Variants in SGK2 observed in about 807,000 individuals in gnomAD.
SGK2 encodes serum/glucocorticoid regulated kinase 2, also known as serine/threonine-protein kinase Sgk2.
SGK2 carries 36 observed loss-of-function variants against 47.5 expected under a neutral mutation model. The observed-to-expected ratio is 0.76, with a 90% confidence interval of 0.58 to 1.00. SGK2 has a LOEUF of 1.00. Ranked by LOEUF, SGK2 falls within the 50% of genes least tolerant of loss-of-function variation. The probability of loss-of-function intolerance (pLI) is 0.00; values close to 1 mark genes in which losing one functional copy is unlikely to be tolerated. For missense variants in SGK2, 404 were observed against 467.4 expected (o/e 0.86, Z 1.25); for synonymous variants, 157 against 181.9 (o/e 0.86, Z 1.10).
intron 11 of SGK2, among the ~76,000 whole-genome samples, chr20:43,577,160 G>A (rs1013092559): frequency 3.9e-5 from 6 of 152,138 alleles, no homozygotes; most frequent in Admixed American, 3.9e-4. Context: ...GAAAGAGGCA[G>A]CCATGAAGAC....
chr20:43,571,649 A>G (rs1356941249), intron 8 of SGK2, among the ~76,000 whole-genome samples: 1 of 152,136 alleles, frequency 6.6e-6, no homozygotes, highest in African/African-American at 2.4e-5. Flanking sequence ...GGATGGGGAT[A>G]GGCATGGTTC....
intron 12 of SGK2, among the ~76,000 whole-genome samples, chr20:43,580,781 A>G (rs1258416542): frequency 6.6e-6 from 1 of 151,062 alleles, no homozygotes; most frequent in Non-Finnish European, 1.5e-5. Flanking sequence ...AGTTTAAAGT[A>G]GCAGTGGCGA....
intron 1 of SGK2, among the ~76,000 whole-genome samples, chr20:43,563,072 G>A (rs988478678): frequency 6.7e-6 from 1 of 149,350 alleles, no homozygotes; most frequent in African/African-American, 2.5e-5. Context: ...GGAGGCAGAG[G>A]TTGCAATGAG....
intron 6 of SGK2, 97 bp downstream of exon 6, chr20:43,569,613 A>C: frequency 4.9e-5 from 70 of 1,417,918 alleles, no homozygotes; most frequent in Non-Finnish European, 6.2e-5. Flanking sequence ...GAATGATCTC[A>C]CTTCATCTTA....
intron 2 of SGK2, among the ~76,000 whole-genome samples, chr20:43,566,843 G>T (rs1482211601): frequency 7.0e-6 from 1 of 143,782 alleles, no homozygotes; most frequent in Non-Finnish European, 1.5e-5. Flanking sequence ...TGCCTCCCAA[G>T]GCTGTTTTGA....
intron 12 of SGK2, among the ~76,000 whole-genome samples, chr20:43,584,457 T>G (rs1278392811): frequency 6.6e-6 from 1 of 152,152 alleles, no homozygotes; most frequent in Non-Finnish European, 1.5e-5. Flanking sequence ...CTATTTTCTC[T>G]TCTTCATAGG....
At chr20:43,573,343 G>A (rs1980262231) in intron 9 of SGK2, among the ~76,000 whole-genome samples, 1 of 152,246 alleles carries the variant, frequency 6.6e-6, no homozygotes, top group East Asian at 1.9e-4. Context: ...ACAAAAATTA[G>A]CCAGGTGTGC....
intron 11 of SGK2, among the ~76,000 whole-genome samples, chr20:43,578,144 T>C (rs948394699): frequency 6.6e-6 from 1 of 152,214 alleles, no homozygotes; most frequent in Non-Finnish European, 1.5e-5. Context: ...AAGGCCGCAA[T>C]ATTTTCTCAC....
At chr20:43,561,135 A>C (rs1979351753) in intron 1 of SGK2, among the ~76,000 whole-genome samples, 1 of 152,206 alleles carries the variant, frequency 6.6e-6, no homozygotes, top group Non-Finnish European at 1.5e-5. Context: ...CCAAGAGGTG[A>C]CTTTAAGCAG....
Position 43,573,623 on chromosome 20 carries a change from A to G in SGK2, c.598-1286A>G, listed in dbSNP as rs147082436. 7.1e-3 allele frequency among the ~76,000 whole-genome samples: 1,067 copies of G among 151,264 alleles called. 8 individuals carry two copies. The highest frequency in any genetic ancestry group is 0.01 in the Middle Eastern group (3 of 292). On this transcript the variant is annotated intron_variant, in intron 9 of 12. Transcript: ENST00000373100. ...GAGGGCTGAGGCTACAGACTGGGAG[A>G]CTCCTCCCCACCTGGCATGAGACAG...
At chr20:43,562,194 GCTTA>G (rs1979428295) in intron 1 of SGK2, among the ~76,000 whole-genome samples, 2 of 151,208 alleles carry the variant, frequency 1.3e-5, no homozygotes, top group African/African-American at 2.4e-5. Flanking sequence ...CAGGAGGATT[GCTTA>G]AGCTCATGAG....
At position 43,569,450 on chromosome 20, in the gene SGK2, C is replaced by T; in HGVS notation, c.294C>T (p.Gly98=). Residue 98 remains glycine, a synonymous_variant, in exon 6 of 13, where the codon GGC becomes GGT. Transcript: ENST00000373100. ...ACGTGCGGCACCCCTTCCTCGTGGG[C>T]CTGCGCTACTCCTTCCAGACACCTG... ...LKNVRHPFLV[G]LRYSFQTPEK... The T allele has an allele frequency of 6.2e-7, 1 of 1,613,928 alleles. No individual in the cohort carries two copies. The highest frequency in any genetic ancestry group is 1.1e-5 in the South Asian group (1 of 91,086).
rs192428262 is a variant in SGK2, at chr20:43,570,059, A to G, written c.360+543A>G. Among the ~76,000 whole-genome samples the G allele has an allele frequency of 1.9e-3, 292 of 152,318 alleles. 3 individuals carry two copies. Among genetic ancestry groups the G allele is most frequent in the African/African-American group, 6.6e-3 (276 of 41,564 alleles). ...TCTCTTGCCTTTCAGAATGATGCTAAGAGGGGGGTTTTTGTCCTGCATCCC... is the reference window on the plus strand; with the variant it reads ...TCTCTTGCCTTTCAGAATGATGCTAGGAGGGGGGTTTTTGTCCTGCATCCC... On this transcript the variant is annotated intron_variant, in intron 6 of 12. Coordinates refer to ENST00000373100, the MANE Select transcript of SGK2 (RefSeq NM_170693.3).
intron 12 of SGK2, among the ~76,000 whole-genome samples, chr20:43,580,470 G>A (rs1416191982): frequency 6.6e-6 from 1 of 152,190 alleles, no homozygotes; most frequent in Non-Finnish European, 1.5e-5. Context: ...GCTCACGACT[G>A]TAGTATCAGC....
At chr20:43,563,814 C>T (rs1206582540) in intron 1 of SGK2, among the ~76,000 whole-genome samples, 3 of 152,214 alleles carry the variant, frequency 2.0e-5, no homozygotes, top group Non-Finnish European at 4.4e-5. Flanking sequence ...TGACATCCTG[C>T]TGATCATGAA....
At chr20:43,574,102 C>T (rs147328130) in intron 9 of SGK2, among the ~76,000 whole-genome samples, 2 of 152,290 alleles carry the variant, frequency 1.3e-5, no homozygotes, top group African/African-American at 4.8e-5. Flanking sequence ...GTTAAATGCC[C>T]TGCCTGAGAC....
chr20:43,567,717 G>T lies in SGK2; in HGVS notation c.139G>T (p.Gly47Trp). ...CAAAGTCATCGGCAAAGGGAACTAC[G>T]GGAAGGTGAGTGACTTGGTGAGGGT... ...FLKVIGKGNYGKVLLAKRKSD... is the reference protein window; with the variant it reads ...FLKVIGKGNYWKVLLAKRKSD... The change falls in exon 4 of 13, where the codon GGG (glycine) becomes TGG (tryptophan). Residue 47 changes from glycine (G) to tryptophan (W), a missense_variant. Transcript: ENST00000373100. 6.2e-7 allele frequency: 1 copy of T among 1,614,094 alleles called. No individual in the cohort carries two copies. The highest frequency in any genetic ancestry group is 8.5e-7 in the Non-Finnish European group (1 of 1,180,016).
chr20:43,580,022 G>A lies in SGK2; in HGVS notation c.900G>A (p.Leu300=). 1.2e-6 allele frequency: 2 copies of A among 1,610,856 alleles called. No homozygotes were observed. The highest frequency in any genetic ancestry group is 1.1e-5 in the South Asian group (1 of 90,680). ...VFFSPINWDD[L]YHKRLTPPFN... ...TCAGCCCCATAAACTGGGATGACCTGTACCACAAGAGGCTAACTCCACCCT... is the reference window on the plus strand; with the variant it reads ...TCAGCCCCATAAACTGGGATGACCTATACCACAAGAGGCTAACTCCACCCT... Residue 300 remains leucine, a synonymous_variant, in exon 12 of 13, where the codon CTG becomes CTA. Coordinates refer to ENST00000373100, the MANE Select transcript of SGK2 (RefSeq NM_170693.3).
chr20:43,560,411 A>G (rs374140991), intron 1 of SGK2, among the ~76,000 whole-genome samples: 3 of 151,738 alleles, frequency 2.0e-5, no homozygotes, highest in East Asian at 3.9e-4. Flanking sequence ...AGACAGGAGA[A>G]TTGCTTGAAC....
Sources: allele counts gnomAD v4.1 joint callset (sites outside exome capture counted in the v4.1 genomes callset), GRCh38; gene constraint gnomAD v4.1.1; transcripts MANE v1.5; gene names NCBI Gene and HGNC (gene_info 2026-07-23, HGNC 2026-07-21).